CDH17: variants seen among roughly 807,000 people sequenced by gnomAD.
The protein encoded by CDH17 is cadherin-17.
Under a neutral mutation model 86.3 loss-of-function variants are expected in CDH17, and 67 were observed. The ratio of observed to expected loss-of-function variants is 0.78; its 90% CI spans 0.64 to 0.95. The LOEUF (loss-of-function observed/expected upper bound fraction) is 0.95. Among genes scored for constraint, CDH17 ranks in the 40% least tolerant of loss-of-function variants. CDH17 has a pLI of 0.00. For synonymous variants in CDH17, 367 were observed against 366.4 expected (o/e 1.00, Z -0.02); for missense variants, 993 against 1,017.6 (o/e 0.98, Z 0.33).
upstream of CDH17, among the ~76,000 whole-genome samples, chr8:94,212,252 C>A (rs1445880160): frequency 6.6e-6 from 1 of 152,198 alleles, no homozygotes; most frequent in Non-Finnish European, 1.5e-5. Flanking sequence ...GCCCTTCAGG[C>A]TCAAGCCATC....
intron 15 of CDH17, among the ~76,000 whole-genome samples, chr8:94,141,168 GATA>G (rs1042394820): frequency 5.3e-5 from 8 of 151,642 alleles, no homozygotes; most frequent in African/African-American, 1.9e-4. Context: ...TTCAAAAGTT[GATA>G]ATAATGCATC....
chr8:94,217,127 G>A (rs1450496374), intron 1 of CDH17: 1 of 152,128 alleles, frequency 6.6e-6, no homozygotes, highest in African/African-American at 2.4e-5. Context: ...TAAGAATAAA[G>A]CCTGAGCTGC....
rs530073403 is a variant in CDH17, at chr8:94,197,966, A to G, written c.-20-3261T>C. ...TAAAAGTCAAGCAATTTGCCTAAAGACATACAGCTAGGAAGTGACATTACC... is the reference window on the plus strand; with the variant it reads ...TAAAAGTCAAGCAATTTGCCTAAAGGCATACAGCTAGGAAGTGACATTACC... On this transcript the variant is annotated intron_variant, in intron 1 of 17. Transcript: ENST00000027335. Among the ~76,000 whole-genome samples the G allele has an allele frequency of 1.6e-4, 25 of 152,252 alleles. No individual in the cohort carries two copies. The South Asian group carries it at 4.4e-3, about 27-fold the overall frequency.
chr8:94,155,027 C>T (rs886292689), intron 12 of CDH17, among the ~76,000 whole-genome samples: 1 of 151,964 alleles, frequency 6.6e-6, no homozygotes, highest in African/African-American at 2.4e-5. Context: ...CAATTTTTCA[C>T]GTAGAAGGGT....
chr8:94,144,519 T>A (rs114413865), intron 15 of CDH17, among the ~76,000 whole-genome samples: 1 of 151,988 alleles, frequency 6.6e-6, no homozygotes, highest in African/African-American at 2.4e-5. Flanking sequence ...GGTATGCCTA[T>A]ACAAAAATTA....
chr8:94,176,787 T>C, intron 4 of CDH17, 108 bp from the exon 5 acceptor site: 2 of 1,131,742 alleles, frequency 1.8e-6, no homozygotes, highest in South Asian at 1.6e-5. Context: ...GCCTGGTGAC[T>C]GTAGGAGAGA....
At chr8:94,140,454 C>T (rs1044342793) in intron 15 of CDH17, among the ~76,000 whole-genome samples, 1 of 151,816 alleles carries the variant, frequency 6.6e-6, no homozygotes, top group African/African-American at 2.4e-5. Context: ...TAATGTGACA[C>T]CTAAGATAAA....
At chr8:94,169,637 C>A (rs919046182) in intron 9 of CDH17, among the ~76,000 whole-genome samples, 2 of 152,146 alleles carry the variant, frequency 1.3e-5, no homozygotes, top group African/African-American at 2.4e-5. Context: ...AGGTACACAG[C>A]ACAACAGAAC....
At chr8:94,172,964 G>A (rs926564914) in intron 7 of CDH17, among the ~76,000 whole-genome samples, 1 of 152,108 alleles carries the variant, frequency 6.6e-6, no homozygotes, top group African/African-American at 2.4e-5. Context: ...AGCCTAAGAT[G>A]GGCAAGTCTA....
chr8:94,150,283 T>C (rs1812832381), intron 13 of CDH17, among the ~76,000 whole-genome samples: 1 of 152,066 alleles, frequency 6.6e-6, no homozygotes, highest in Non-Finnish European at 1.5e-5. Context: ...ATTCAGTGAG[T>C]AGATTCAGAG....
At chr8:94,183,642 A>G (rs1813524150) in intron 3 of CDH17, among the ~76,000 whole-genome samples, 1 of 152,090 alleles carries the variant, frequency 6.6e-6, no homozygotes, top group Admixed American at 6.6e-5. Flanking sequence ...AATCTTTATG[A>G]CCCCGAATGA....
chr8:94,146,001 A>G lies in CDH17; in HGVS notation c.2094T>C (p.Phe698=), dbSNP rs1315465855. The G allele has an allele frequency of 6.2e-7, 1 of 1,613,716 alleles. No individual in the cohort carries two copies. The highest frequency in any genetic ancestry group is 8.5e-7 in the Non-Finnish European group (1 of 1,179,890). ...FEATDDDQHL[F]RGPHFTFSLG... is the part of the protein sequence containing the mutation. Reference sequence around the variant, plus strand: ...GGGAAAATGTAAAATGGGGACCCCGAAATAAGTGCTGATCATCATCAGTAG... The same window carrying G: ...GGGAAAATGTAAAATGGGGACCCCGGAATAAGTGCTGATCATCATCAGTAG... Residue 698 remains phenylalanine (F), a synonymous_variant, in exon 15 of 18, where the codon TTT becomes TTC. Transcript: ENST00000027335.
chr8:94,130,472 G>C (rs1356693237), intron 17 of CDH17, among the ~76,000 whole-genome samples, 154 bp downstream of exon 17: 2 of 152,218 alleles, frequency 1.3e-5, no homozygotes, highest in Non-Finnish European at 2.9e-5. Flanking sequence ...AATCAAGAAA[G>C]TCTGATGTAA....
chr8:94,203,707 A>G (rs1033883138), intron 1 of CDH17, among the ~76,000 whole-genome samples: 6 of 152,218 alleles, frequency 3.9e-5, no homozygotes, highest in African/African-American at 1.4e-4. Context: ...GGCCATTAAT[A>G]AGCTAGAAAC....
intron 11 of CDH17, among the ~76,000 whole-genome samples, chr8:94,160,867 C>A (rs113181847): frequency 1.8e-4 from 28 of 152,284 alleles, no homozygotes; most frequent in Non-Finnish European, 3.5e-4. Flanking sequence ...GAAGTAAAAC[C>A]CACCAAGGGT....
At chr8:94,148,181 C>T (rs1812782204) in intron 14 of CDH17, among the ~76,000 whole-genome samples, 1 of 152,148 alleles carries the variant, frequency 6.6e-6, no homozygotes, top group East Asian at 1.9e-4. Flanking sequence ...GAGGCCATAG[C>T]CCCTACAGGA....
Position 94,160,177 on chromosome 8 carries a change from GAGA to G in CDH17, c.1360-18_1360-16del. ...AGGTTTCCATACTAAGGAGAAAATG[GAGA>G]AGGAAACAATGAGAAGGTCTGCTGT... On this transcript the variant is annotated splice_polypyrimidine_tract_variant and intron_variant, in intron 11 of 17. Coordinates refer to ENST00000027335, the MANE Select transcript of CDH17 (RefSeq NM_004063.4). 6.3e-7 allele frequency: 1 copy of G among 1,593,738 alleles called. No individual in the cohort carries two copies. The highest frequency in any genetic ancestry group is 1.3e-5 in the African/African-American group (1 of 74,426).
chr8:94,145,843 CTGA>C (rs913641418), intron 15 of CDH17, 82 bp downstream of exon 15: 3 of 1,411,818 alleles, frequency 2.1e-6, no homozygotes, highest in Non-Finnish European at 2.9e-6. Context: ...AAGCTCTTTG[CTGA>C]GTACAGCAAA....
intron 1 of CDH17, among the ~76,000 whole-genome samples, chr8:94,207,603 TTTC>T (rs780804022): frequency 5.3e-5 from 8 of 152,228 alleles, no homozygotes; most frequent in Non-Finnish European, 1.0e-4. Context: ...ACATGTGTTT[TTTC>T]TTCTTCTTTC....
Sources: gnomAD v4.1 joint callset for allele counts (sites outside exome capture counted in the v4.1 genomes callset) on GRCh38, gnomAD v4.1.1 for gene constraint, MANE v1.5 for transcripts, NCBI Gene and HGNC (gene_info 2026-07-23, HGNC 2026-07-21) for gene names.